The following CDH23 variants were observed in gnomAD, a reference collection of about 807,000 sequenced individuals.
The protein encoded by CDH23 is cadherin-23.
In CDH23, 189 loss-of-function variants were observed where a neutral mutation model predicts 317.1. That is an observed-to-expected ratio of 0.60 (90% confidence interval 0.53 to 0.67). The LOEUF (loss-of-function observed/expected upper bound fraction) is 0.67. CDH23 is among the 30% of genes least tolerant of loss of function. The pLI, the probability that CDH23 is intolerant of heterozygous loss-of-function variation, is 0.00. For missense variants in CDH23, 4,401 were observed against 4,592.4 expected (o/e 0.96, Z 1.20); for synonymous variants, 1,839 against 1,876.8 (o/e 0.98, Z 0.52).
chr10:71,662,061 T>A (rs1863696149), intron 14 of CDH23, among the ~76,000 whole-genome samples: 1 of 150,700 alleles, frequency 6.6e-6, no homozygotes, highest in South Asian at 2.1e-4. Flanking sequence ...TCACAGATCA[T>A]GGGTGATTTA....
chr10:71,703,933 G>A (rs1319188869), intron 24 of CDH23, among the ~76,000 whole-genome samples: 1 of 152,208 alleles, frequency 6.6e-6, no homozygotes, highest in Non-Finnish European at 1.5e-5. Context: ...AGCGGGGAGC[G>A]TTTAACTTGG....
chr10:71,446,913 C>G (rs1214451954), intron 3 of CDH23, among the ~76,000 whole-genome samples: 1 of 152,226 alleles, frequency 6.6e-6, no homozygotes, highest in Non-Finnish European at 1.5e-5. Context: ...ATTGTCCTAG[C>G]TCAGCTCTTA....
intron 1 of CDH23, among the ~76,000 whole-genome samples, chr10:71,408,905 C>T (rs146273760): frequency 9.2e-4 from 140 of 152,354 alleles, no homozygotes; most frequent in South Asian, 2.1e-3. Context: ...TACTAACTTG[C>T]TGCCTCTCCT....
At chr10:71,596,554 C>T (rs1251679656) in intron 9 of CDH23, among the ~76,000 whole-genome samples, 4 of 152,210 alleles carry the variant, frequency 2.6e-5, no homozygotes, top group African/African-American at 9.7e-5. Context: ...TAGATACTGG[C>T]TGGCCCCTGA....
At chr10:71,604,228 G>A (rs1423647635) in intron 9 of CDH23, among the ~76,000 whole-genome samples, 2 of 152,286 alleles carry the variant, frequency 1.3e-5, no homozygotes, top group East Asian at 3.9e-4. Context: ...GCTGCAATGA[G>A]CTGATTGTGC....
chr10:71,781,908 A>G (rs1706437502), intron 41 of CDH23, among the ~76,000 whole-genome samples: 1 of 152,124 alleles, frequency 6.6e-6, no homozygotes, highest in Non-Finnish European at 1.5e-5. Flanking sequence ...CACGACATCC[A>G]TTTCCCACAT....
In CDH23 at chr10:71,815,198, A is replaced by G; in HGVS notation, c.9985A>G (p.Thr3329Ala). Residue 3329 changes from threonine to alanine, a missense_variant, in exon 70 of 70, where the codon ACA (threonine) becomes GCA (alanine). Physicochemically the swap from Thr to Ala is moderately conservative, Grantham distance 58. Transcript: ENST00000224721. ...EATAFERNARTESAKSTPLHK... is the reference protein window; with the variant it reads ...EATAFERNARAESAKSTPLHK... ...CACTGCCTTCGAGCGCAACGCCCGC[A>G]CAGAATCCGCCAAATCCACACCCCT... 1.2e-6 allele frequency: 2 copies of G among 1,608,186 alleles called. No homozygotes were observed. Among genetic ancestry groups the G allele is most frequent in the Non-Finnish European group, 1.7e-6 (2 of 1,176,134 alleles).
chr10:71,423,095 C>A (rs1233767617), intron 1 of CDH23, among the ~76,000 whole-genome samples: 5 of 152,182 alleles, frequency 3.3e-5, no homozygotes, highest in African/African-American at 1.2e-4. Flanking sequence ...TTGTGTTAGG[C>A]TCTGGAGCAA....
chr10:71,558,331 T>G (rs1856971256), intron 6 of CDH23, among the ~76,000 whole-genome samples: 1 of 152,202 alleles, frequency 6.6e-6, no homozygotes, highest in African/African-American at 2.4e-5. Flanking sequence ...TTCCTATTAG[T>G]TGGAATGTTG....
chr10:71,497,976 A>C (rs1853068336), intron 3 of CDH23, among the ~76,000 whole-genome samples: 1 of 152,100 alleles, frequency 6.6e-6, no homozygotes, highest in Non-Finnish European at 1.5e-5. Context: ...ATGCAACCTC[A>C]CACTCCCCAG....
At chr10:71,717,484 C>T (rs1383805335) in intron 28 of CDH23, 1 of 152,268 alleles carries the variant, frequency 6.6e-6, no homozygotes, top group Non-Finnish European at 1.5e-5. Context: ...CATTTCCTTT[C>T]CCACTGAAGA....
intron 22 of CDH23, among the ~76,000 whole-genome samples, chr10:71,695,818 C>A (rs1865366331): frequency 6.6e-6 from 1 of 152,198 alleles, no homozygotes; most frequent in Non-Finnish European, 1.5e-5. Context: ...CGCTTGTGAG[C>A]CACACGTGCC....
intron 38 of CDH23, among the ~76,000 whole-genome samples, chr10:71,776,791 C>G (rs1840824855): frequency 6.6e-6 from 1 of 152,208 alleles, no homozygotes; most frequent in Non-Finnish European, 1.5e-5. Context: ...AAGAAACACC[C>G]CCGCCTCTTT....
At chr10:71,485,726 G>A (rs1291711906) in intron 3 of CDH23, among the ~76,000 whole-genome samples, 3 of 152,234 alleles carry the variant, frequency 2.0e-5, no homozygotes, top group African/African-American at 7.2e-5. Context: ...GGTGGGATGG[G>A]CGTGGTTGCC....
At chr10:71,421,519 C>T (rs1848816324) in intron 1 of CDH23, among the ~76,000 whole-genome samples, 1 of 151,716 alleles carries the variant, frequency 6.6e-6, no homozygotes, top group Admixed American at 6.6e-5. Context: ...AGCCCTTCAT[C>T]ATGGAATCTG....
At chr10:71,685,405 G>A (rs1864832327) in intron 18 of CDH23, among the ~76,000 whole-genome samples, 1 of 152,210 alleles carries the variant, frequency 6.6e-6, no homozygotes, top group South Asian at 2.1e-4. Flanking sequence ...ATCTCGTTGT[G>A]CCTCAGCCCC....
chr10:71,714,209 GGA>G (rs1186240543), intron 28 of CDH23: 1 of 152,084 alleles, frequency 6.6e-6, no homozygotes, highest in Non-Finnish European at 1.5e-5. Flanking sequence ...GAGCCTGCTT[GGA>G]GAGAAATCTT....
At chr10:71,791,025 C>T (rs1841236275) in intron 46 of CDH23, 107 bp from the exon 47 acceptor site, 1 of 842,190 alleles carries the variant, frequency 1.2e-6, no homozygotes, top group Non-Finnish European at 1.9e-6. Context: ...CATCTCTGTC[C>T]CATGGTGCCC....
chr10:71,722,523 T>A (rs544161765), intron 28 of CDH23, among the ~76,000 whole-genome samples: 5 of 152,222 alleles, frequency 3.3e-5, no homozygotes, highest in Non-Finnish European at 5.9e-5. Context: ...GACCCTACTG[T>A]GTGCCAGGAT....
Sources: gnomAD v4.1 joint callset for allele counts (sites outside exome capture counted in the v4.1 genomes callset) on GRCh38, gnomAD v4.1.1 for gene constraint, MANE v1.5 for transcripts, NCBI Gene and HGNC (gene_info 2026-07-23, HGNC 2026-07-21) for gene names.